The following MAN1B1 variants were observed in gnomAD, a reference collection of about 807,000 sequenced individuals.
MAN1B1 encodes mannosidase alpha class 1B member 1.
In MAN1B1, 66 loss-of-function variants were observed where a neutral mutation model predicts 75.5. The observed-to-expected ratio is 0.87, with a 90% CI of 0.72 to 1.07. MAN1B1 has a LOEUF of 1.07. MAN1B1 is among the 50% of genes least tolerant of loss of function. The pLI is 0.00. For synonymous variants in MAN1B1, 453 were observed against 382.8 expected, an observed-to-expected ratio of 1.18 and a Z score of -2.14; for missense variants, 973 against 912.5, an observed-to-expected ratio of 1.07 and a Z score of -0.85.
chr9:137,108,322 G>A lies in MAN1B1; in HGVS notation c.1897-66G>A, dbSNP rs746149858. ...TTCACCATGGGGTGGAGAGCGCTTC[G>A]GTGATGAGGCTGAGGGGGGTGCAGG... On this transcript the variant is annotated intron_variant, in intron 12 of 12. Transcript: ENST00000371589. 5.3e-5 allele frequency: 74 copies of A among 1,391,002 alleles called. No individual in the cohort carries two copies. The African/African-American group carries it at 6.1e-4, about 11-fold the overall frequency. The allele number at this position is 1,391,002 out of a possible 1,614,324, so 86.2% of individuals were successfully genotyped here. A position where few individuals can be genotyped will look rare whatever the true frequency, so the allele number is the denominator to read the frequency against.
rs752395239 is a variant in MAN1B1 at position 137,106,191 on chromosome 9, A to G, written c.1321A>G (p.Met441Val). The change falls in exon 9 of 13, where the codon ATG becomes GTG. Residue 441 changes from methionine to valine, a missense_variant. By Grantham distance (21) the Met-to-Val change is conservative. Coordinates refer to ENST00000371589, the MANE Select transcript of MAN1B1 (RefSeq NM_016219.5). ...TGGGAAGAAGGATGGGCTGGTGCCC[A>G]TGTTCATCAATACCCACAGTGGCCT... ...LSGKKDGLVP[M>V]FINTHSGLFT... 90 of 1,612,288 alleles carry G rather than the reference A, an allele frequency of 5.6e-5. No individual in the cohort carries two copies. The highest frequency in any genetic ancestry group is 7.5e-5 in the Non-Finnish European group (89 of 1,179,722).
rs201112296 is a variant in MAN1B1, at chr9:137,108,404, A to T, written c.1913A>T (p.Tyr638Phe). ...SRFTRVPSGGYSSINNVQDPQ... is the reference protein window; with the variant it reads ...SRFTRVPSGGFSSINNVQDPQ... ...GCTGCACAGGTCCCCTCGGGTGGCT[A>T]TTCTTCCATCAACAATGTCCAGGAT... Residue 638 changes from tyrosine to phenylalanine, a missense_variant, in exon 13 of 13, where the codon TAT becomes TTT. Tyr to Phe is a conservative substitution (Grantham distance 22, BLOSUM62 3). Transcript: ENST00000371589. 1.2e-6 allele frequency: 2 copies of T among 1,613,674 alleles called. No homozygotes were observed. Among genetic ancestry groups the T allele is most frequent in the Admixed American group, 1.7e-5 (1 of 60,022 alleles).
chr9:137,106,368 C>G, intron 9 of MAN1B1, 53 bp downstream of exon 9: 4 of 1,471,940 alleles, frequency 2.7e-6, no homozygotes, highest in Non-Finnish European at 3.7e-6. Context: ...TTCCCGCAGC[C>G]CCCCACTCCT....
chr9:137,102,197 T>G (rs1488798632), intron 8 of MAN1B1: 11 of 422,328 alleles, frequency 2.6e-5, no homozygotes, highest in Admixed American at 2.4e-4. Flanking sequence ...GTCGGTGGTG[T>G]TACACGTGCT....
At chr9:137,093,859 C>T (rs1034921377) in intron 3 of MAN1B1, among the ~76,000 whole-genome samples, 2 of 151,844 alleles carry the variant, frequency 1.3e-5, no homozygotes, top group African/African-American at 4.8e-5. Flanking sequence ...GATTTAAGTT[C>T]TCCCTAAATT....
At chr9:137,097,726 G>A in intron 4 of MAN1B1, 102 bp from the exon 5 acceptor site, 1 of 895,060 alleles carries the variant, frequency 1.1e-6, no homozygotes, top group Non-Finnish European at 1.8e-6. Context: ...GGCCGCTTTG[G>A]GTGCAGGGCT....
rs779234844 is a variant in MAN1B1 at position 137,096,374 on chromosome 9, G to A, written c.603G>A (p.Pro201=). 8.1e-6 allele frequency: 13 copies of A among 1,613,670 alleles called. No individual in the cohort carries two copies. The highest frequency in any genetic ancestry group is 4.4e-5 in the South Asian group (4 of 91,046). The change falls in exon 4 of 13, where the codon CCG becomes CCA. Residue 201 remains proline (P), a synonymous_variant. Coordinates refer to ENST00000371589, the MANE Select transcript of MAN1B1 (RefSeq NM_016219.5). Reference sequence around the variant, plus strand: ...TGGATCCCCGCCCGGAAGGAGATCCGCAGAGGACAGTCATCAGGTACAGAG... The same window carrying A: ...TGGATCCCCGCCCGGAAGGAGATCCACAGAGGACAGTCATCAGGTACAGAG... ...APVDPRPEGD[P]QRTVISWRGA... is the part of the protein sequence containing the mutation.
At chr9:137,096,135 C>A (rs1830644042) in intron 3 of MAN1B1, 102 bp from the exon 4 acceptor site, 1 of 1,241,926 alleles carries the variant, frequency 8.1e-7, no homozygotes, top group Non-Finnish European at 1.2e-6. Flanking sequence ...GTCAGAAGCT[C>A]AGTCTGTGAG....
chr9:137,089,277 T>A (rs1376721552), intron 3 of MAN1B1: 1 of 484,826 alleles, frequency 2.1e-6, no homozygotes, highest in Admixed American at 3.2e-5. Flanking sequence ...AGGCCACAGC[T>A]GGTAGGAGAG....
intron 3 of MAN1B1, among the ~76,000 whole-genome samples, chr9:137,089,452 C>T (rs1472829101): frequency 6.6e-6 from 1 of 152,132 alleles, no homozygotes; most frequent in Non-Finnish European, 1.5e-5. Flanking sequence ...CTGCTGGCAC[C>T]GGGCAAGGTG....
chr9:137,103,225 C>G, intron 8 of MAN1B1: 1 of 290,068 alleles, frequency 3.4e-6, no homozygotes, highest in Non-Finnish European at 6.8e-6. Context: ...TGGTGTTACA[C>G]ACATTCATGG....
intron 4 of MAN1B1, among the ~76,000 whole-genome samples, chr9:137,097,263 G>T (rs1830676637): frequency 6.6e-6 from 1 of 152,248 alleles, no homozygotes; most frequent in Non-Finnish European, 1.5e-5. Flanking sequence ...GTGGTTGTAA[G>T]AGGCCTTTTG....
Position 137,108,291 on chromosome 9 carries a change from GC to G in MAN1B1, c.1897-95del, listed in dbSNP as rs933976434. 143 of 1,108,420 alleles carry G rather than the reference GC, an allele frequency of 1.3e-4. 1 individual carries two copies. The highest frequency in any genetic ancestry group is 8.1e-4 in the African/African-American group (53 of 65,054). The allele number at this position is 1,108,420 out of a possible 1,614,324, so 68.7% of individuals were successfully genotyped here. On this transcript the variant is annotated intron_variant, in intron 12 of 12. Coordinates refer to ENST00000371589, the MANE Select transcript of MAN1B1 (RefSeq NM_016219.5). ...CCTCCACCCTGAGCTTGCGCTGGGG[GC>G]CACATTCACCATGGGGTGGAGAGCG...
At position 137,097,864 on chromosome 9, in the gene MAN1B1, C is replaced by T. The variant is rs564784943; in HGVS notation, c.657C>T (p.Thr219=). 2.8e-5 allele frequency: 44 copies of T among 1,558,428 alleles called. No individual in the cohort carries two copies. The highest frequency in any genetic ancestry group is 1.7e-4 in the Middle Eastern group (1 of 5,992). The change falls in exon 5 of 13, where the codon ACC becomes ACT. Residue 219 remains threonine, a synonymous_variant. Transcript: ENST00000371589. ...CGGTGATCGAGCCTGAGCAGGGCAC[C>T]GAGCTCCCTTCAAGAAGAGCAGAAG... ...RGAVIEPEQG[T]ELPSRRAEVP...
intron 5 of MAN1B1, 138 bp from the exon 6 acceptor site, chr9:137,099,558 C>A: frequency 1.1e-6 from 1 of 905,640 alleles, no homozygotes; most frequent in Non-Finnish European, 1.8e-6. Flanking sequence ...CTGTGCCCAC[C>A]ACCGCCCTTC....
At chr9:137,088,477 A>G in intron 2 of MAN1B1, 2 of 1,459,780 alleles carry the variant, frequency 1.4e-6, no homozygotes, top group Non-Finnish European at 1.9e-6. Flanking sequence ...ATAACCACAC[A>G]AATTTCGTAG....
intron 10 of MAN1B1, 67 bp downstream of exon 10, chr9:137,106,876 A>T (rs1407994682): frequency 1.3e-6 from 2 of 1,514,596 alleles, no homozygotes; most frequent in East Asian, 2.4e-5. Context: ...TGCCTGAGTC[A>T]TGATGTCAAA....
chr9:137,108,082 C>T, intron 12 of MAN1B1: 3 of 605,564 alleles, frequency 5.0e-6, no homozygotes, highest in Non-Finnish European at 8.8e-6. Context: ...GCCTGAGGCC[C>T]CCGCTGCCTC....
intron 3 of MAN1B1, among the ~76,000 whole-genome samples, chr9:137,091,379 G>A (rs929825421): frequency 1.2e-4 from 18 of 152,206 alleles, no homozygotes; most frequent in African/African-American, 3.9e-4. Flanking sequence ...GAGACATCCT[G>A]CCCTCCAGGG....
Sources: allele counts gnomAD v4.1 joint callset (sites outside exome capture counted in the v4.1 genomes callset), GRCh38; gene constraint gnomAD v4.1.1; transcripts MANE v1.5; gene names NCBI Gene and HGNC (gene_info 2026-07-23, HGNC 2026-07-21).